Variants in OSBPL9 observed in about 807,000 individuals in gnomAD.
OSBPL9 encodes oxysterol-binding protein-related protein 9.
OSBPL9 carries 40 observed loss-of-function variants against 106.6 expected under a neutral mutation model. That is an observed-to-expected ratio of 0.38 (90% CI 0.29 to 0.49). OSBPL9 has a LOEUF of 0.49. Among genes scored for constraint, OSBPL9 ranks in the 20% least tolerant of loss-of-function variants. OSBPL9 has a pLI of 0.97. For missense variants in OSBPL9, 609 were observed against 887.2 expected (o/e 0.69, Z 3.98); for synonymous variants, 269 against 295.4 (o/e 0.91, Z 0.92).
chr1:51,675,369 AT>A lies in OSBPL9; in HGVS notation c.241+5860del, dbSNP rs879394207. Among the ~76,000 whole-genome samples the A allele has an allele frequency of 4.8e-3, 721 of 149,478 alleles. 2 individuals are homozygous for A. Among genetic ancestry groups the A allele is most frequent in the African/African-American group, 0.017 (679 of 39,298 alleles). On this transcript the variant is annotated intron_variant, in intron 3 of 23. Transcript: ENST00000428468. ...AAGCCAGAAATTAATTAATTAATTA[AT>A]TTATTTATTTATTTATTTTTTGTGA...
chr1:51,561,794 C>T, the OSBPL9 span: 1 of 152,164 alleles, frequency 6.6e-6, no homozygotes, highest in Non-Finnish European at 1.5e-5. Flanking sequence ...AAGACCAAGA[C>T]TTATTCAAGT....
At chr1:51,617,327 G>A in intron 1 of OSBPL9, 106 bp downstream of exon 1, 1 of 1,157,840 alleles carries the variant, frequency 8.6e-7, no homozygotes, top group Non-Finnish European at 1.2e-6. Flanking sequence ...CTAGTCTGGG[G>A]GTGCCGCCGT....
At chr1:51,721,229 TAC>T (rs903542102) in intron 4 of OSBPL9, among the ~76,000 whole-genome samples, 5 of 151,530 alleles carry the variant, frequency 3.3e-5, no homozygotes, top group African/African-American at 1.2e-4. Context: ...TATAAGAGTA[TAC>T]AAGGGAAAGG....
rs765368658 is a variant in OSBPL9 at position 51,760,774 on chromosome 1, C to T, written c.667C>T (p.Pro223Ser). 6 of 1,613,652 alleles carry T rather than the reference C, an allele frequency of 3.7e-6. No individual in the cohort carries two copies. The Admixed American group carries it at 1.0e-4, about 27-fold the overall frequency. ...ISTMPSQTVL[P>S]PEPVQLCKSE... ...CACAATGCCTTCCCAGACTGTGTTACCTCCAGGTAATTTGGGAAAATGTTT... is the reference window on the plus strand; with the variant it reads ...CACAATGCCTTCCCAGACTGTGTTATCTCCAGGTAATTTGGGAAAATGTTT... Residue 223 changes from proline to serine, a missense_variant, in exon 10 of 24, where the codon CCT becomes TCT. Around this residue, in one of 5 missense-constraint regions of OSBPL9, gnomAD observed 356 missense variants for 505.8 expected, o/e 0.70. Transcript: ENST00000428468.
chr1:51,538,293 A>AAAAT, the OSBPL9 span, among the ~76,000 whole-genome samples: 32 of 152,162 alleles, frequency 2.1e-4, no homozygotes, highest in East Asian at 3.8e-4. Flanking sequence ...CTCCATCTCA[A>AAAAT]AAATAAATAA....
At chr1:51,781,135 A>C (rs368098822) in intron 15 of OSBPL9, 29 bp from the exon 16 acceptor site, 82 of 1,607,098 alleles carry the variant, frequency 5.1e-5, no homozygotes, top group Non-Finnish European at 6.8e-5. Context: ...AGAAAGCAGG[A>C]CATTAAATTT....
chr1:51,730,148 CG>C, intron 4 of OSBPL9: 17 of 1,245,116 alleles, frequency 1.4e-5, no homozygotes, highest in African/African-American at 3.1e-5. Flanking sequence ...CGTGGCTGCC[CG>C]GGCCCCTCTT....
the OSBPL9 span, among the ~76,000 whole-genome samples, chr1:51,530,781 T>C: frequency 2.6e-5 from 4 of 151,908 alleles, no homozygotes; most frequent in South Asian, 8.3e-4. Flanking sequence ...GCAGATCACT[T>C]GAGGTCAGTT....
intron 1 of OSBPL9, among the ~76,000 whole-genome samples, chr1:51,596,279 A>G (rs960410024): frequency 4.0e-5 from 6 of 149,400 alleles, no homozygotes; most frequent in African/African-American, 7.4e-5. Context: ...AAAAAAAAAA[A>G]GGCCAGGCAC....
At chr1:51,538,280 C>T in the OSBPL9 span, among the ~76,000 whole-genome samples, 5 of 152,014 alleles carry the variant, frequency 3.3e-5, no homozygotes, top group South Asian at 4.2e-4. Context: ...CAACAGAGCA[C>T]GACTCCATCT....
chr1:51,676,684 C>T (rs1442415612), intron 3 of OSBPL9, among the ~76,000 whole-genome samples: 1 of 146,052 alleles, frequency 6.8e-6, no homozygotes, highest in African/African-American at 2.5e-5. Context: ...AAAAAATTGA[C>T]AATGACTGCA....
In OSBPL9 at chr1:51,784,250, C is replaced by T; in HGVS notation, c.1625-14C>T. The T allele has an allele frequency of 6.2e-7, 1 of 1,612,038 alleles. No individual in the cohort carries two copies. Among genetic ancestry groups the T allele is most frequent in the Non-Finnish European group, 8.5e-7 (1 of 1,178,196 alleles). On this transcript the variant is annotated splice_polypyrimidine_tract_variant and intron_variant, in intron 18 of 23. Coordinates refer to ENST00000428468, the MANE Select transcript of OSBPL9 (RefSeq NM_024586.6). ...GGCACTACTCATCAGAGATTCTGTC[C>T]CTTCTCTCCACAGGCTGTGTCTCAT...
At chr1:51,610,055 A>G (rs1470202230) in intron 2 of OSBPL9, among the ~76,000 whole-genome samples, 3 of 152,078 alleles carry the variant, frequency 2.0e-5, no homozygotes, top group African/African-American at 4.8e-5. Context: ...CCCCACACAT[A>G]TATCTTACAA....
chr1:51,738,231 G>A (rs1666136284), intron 4 of OSBPL9, among the ~76,000 whole-genome samples: 1 of 151,990 alleles, frequency 6.6e-6, no homozygotes, highest in Non-Finnish European at 1.5e-5. Flanking sequence ...GTCAAAGGGT[G>A]TATTAGTATC....
intron 2 of OSBPL9, among the ~76,000 whole-genome samples, chr1:51,655,208 T>C (rs1204827918): frequency 2.6e-5 from 4 of 152,206 alleles, no homozygotes; most frequent in African/African-American, 9.6e-5. Context: ...TTGGCTGGAC[T>C]GGGCCCTTAT....
intron 4 of OSBPL9, among the ~76,000 whole-genome samples, chr1:51,731,650 G>A (rs1664450084): frequency 6.6e-6 from 1 of 151,896 alleles, no homozygotes; most frequent in South Asian, 2.1e-4. Context: ...GGTGGCGGGC[G>A]CCTGTAGTCC....
chr1:51,611,533 G>C (rs1643987905), intron 2 of OSBPL9, among the ~76,000 whole-genome samples: 1 of 152,194 alleles, frequency 6.6e-6, no homozygotes, highest in Non-Finnish European at 1.5e-5. Flanking sequence ...GCATTATGAA[G>C]TAATTTGTAC....
In OSBPL9 at chr1:51,704,119, A is replaced by C. The variant is rs562510177; in HGVS notation, c.242-9884A>C. Among the ~76,000 whole-genome samples, 200 of 152,316 alleles carry C rather than the reference A, an allele frequency of 1.3e-3. 6 individuals are homozygous for C. The South Asian group carries it at 0.039, about 30-fold the overall frequency. ...TCTCTCTTTTTGTTGTGTCTCTGCC[A>C]GGCTTTGGTATCAGGATGATGCTGG... On this transcript the variant is annotated intron_variant, in intron 3 of 23. Coordinates refer to ENST00000428468, the MANE Select transcript of OSBPL9 (RefSeq NM_024586.6).
chr1:51,674,660 T>C (rs973299412), intron 3 of OSBPL9, among the ~76,000 whole-genome samples: 2 of 152,248 alleles, frequency 1.3e-5, no homozygotes, highest in Non-Finnish European at 2.9e-5. Context: ...CATAAGGACA[T>C]TTAGGTCAAC....
Sources: allele counts gnomAD v4.1 joint callset (sites outside exome capture counted in the v4.1 genomes callset), GRCh38; gene constraint gnomAD v4.1.1; regional missense constraint gnomAD v4.1.1; transcripts MANE v1.5; gene names NCBI Gene and HGNC (gene_info 2026-07-23, HGNC 2026-07-21).